NDST3: variants seen among roughly 807,000 people sequenced by gnomAD.
NDST3 encodes N-deacetylase and N-sulfotransferase 3.
In NDST3, 58 loss-of-function variants were observed where a neutral mutation model predicts 96.1. The observed-to-expected ratio is 0.60, with a 90% CI of 0.49 to 0.75. The LOEUF (loss-of-function observed/expected upper bound fraction) is 0.75, where lower values mean the gene tolerates loss of function less well. Among genes scored for constraint, NDST3 ranks in the 30% least tolerant of loss-of-function variants. NDST3 has a pLI of 0.00. For missense variants in NDST3, 788 were observed against 1,034.2 expected (o/e 0.76, Z 3.27); for synonymous variants, 333 against 359.7 (o/e 0.93, Z 0.84).
chr4:118,231,345 A>T (rs80123128), intron 8 of NDST3, among the ~76,000 whole-genome samples: 10 of 32,068 alleles, frequency 3.1e-4, no homozygotes, highest in Middle Eastern at 0.023. Flanking sequence ...AAAAAAAAAT[A>T]AATAAATAAT....
intron 6 of NDST3, among the ~76,000 whole-genome samples, chr4:118,161,361 T>A (rs1031333729): frequency 3.3e-5 from 5 of 152,200 alleles, no homozygotes; most frequent in African/African-American, 4.8e-5. Flanking sequence ...CATTCTCAGA[T>A]ATCCAGCTGT....
In NDST3 at chr4:118,054,853, G is replaced by T. The variant is rs1446794120; in HGVS notation, c.943G>T (p.Gly315Ter). The part of the protein sequence containing the change: ...ILVDIDDIFV[G>*]KEGTRMNTND... The stretch of plus-strand genomic sequence containing the variant: ...TGTGGATATTGATGATATATTTGTG[G>T]GAAAAGAGGGAACAAGAATGAACAC... Residue 315 changes from glycine (G) to a stop codon, truncating the protein, a stop_gained, in exon 2 of 14, where the codon GGA becomes TGA. Coordinates refer to ENST00000296499, the MANE Select transcript of NDST3 (RefSeq NM_004784.3). LOFTEE classifies it high-confidence loss of function. 1 of 1,612,142 alleles carries T rather than the reference G, an allele frequency of 6.2e-7. No individual in the cohort carries two copies. The highest frequency in any genetic ancestry group is 8.5e-7 in the Non-Finnish European group (1 of 1,179,116).
At chr4:118,225,929 C>G (rs565925735) in intron 7 of NDST3, among the ~76,000 whole-genome samples, 1 of 152,068 alleles carries the variant, frequency 6.6e-6, no homozygotes, top group South Asian at 2.1e-4. Flanking sequence ...AATTTTCCTG[C>G]TAATTCAACC....
intron 6 of NDST3, chr4:118,194,206 A>G (rs1737511688): frequency 2.7e-6 from 2 of 752,664 alleles, no homozygotes; most frequent in Non-Finnish European, 4.8e-6. Flanking sequence ...CCTGATGTTC[A>G]AAGAACTAGT....
At chr4:118,221,390 G>A (rs1324686430) in intron 6 of NDST3, among the ~76,000 whole-genome samples, 1 of 152,004 alleles carries the variant, frequency 6.6e-6, no homozygotes, top group Non-Finnish European at 1.5e-5. Context: ...GGTCATGAAA[G>A]GCATAGTTTA....
At position 118,217,345 on chromosome 4, in the gene NDST3, T is replaced by C. The variant is rs567657937; in HGVS notation, c.1540-7146T>C. The stretch of plus-strand genomic sequence containing the variant: ...CCTTAGGTTGACACACTGAACTTTA[T>C]TCAACTCAAAAGCTAATGAGGCACT... On this transcript the variant is annotated intron_variant, in intron 6 of 13. Transcript: ENST00000296499. Among the ~76,000 whole-genome samples, 22 of 152,216 alleles carry C rather than the reference T, an allele frequency of 1.4e-4. No individual in the cohort carries two copies. The South Asian group carries it at 4.1e-3, about 29-fold the overall frequency.
In NDST3 at chr4:118,204,815, T is replaced by A. The variant is rs1018286377; in HGVS notation, c.1540-19676T>A. On this transcript the variant is annotated intron_variant, in intron 6 of 13. Coordinates refer to ENST00000296499, the MANE Select transcript of NDST3 (RefSeq NM_004784.3). Reference sequence around the variant, plus strand: ...AATAAAGTGGTTATTAAATAATATTTAAAGATAAAAACAATGAATTTGATT... The same window carrying A: ...AATAAAGTGGTTATTAAATAATATTAAAAGATAAAAACAATGAATTTGATT... Among the ~76,000 whole-genome samples, 18 of 144,520 alleles carry A rather than the reference T, an allele frequency of 1.2e-4. 3 individuals are homozygous for A. The allele number at this position is 144,520 out of a possible 152,430, so 94.8% of individuals were successfully genotyped here.
At position 118,204,509 on chromosome 4, in the gene NDST3, T is replaced by C. The variant is rs1355657915; in HGVS notation, c.1540-19982T>C. 2.8e-5 allele frequency among the ~76,000 whole-genome samples: 4 copies of C among 144,160 alleles called. 1 individual carries two copies. Among genetic ancestry groups the C allele is most frequent in the African/African-American group, 1.0e-4 (4 of 38,974 alleles). The allele number at this position is 144,160 out of a possible 152,430, so 94.6% of individuals were successfully genotyped here. A position where few individuals can be genotyped will look rare whatever the true frequency, so the allele number is the denominator to read the frequency against. On this transcript the variant is annotated intron_variant, in intron 6 of 13. Coordinates refer to ENST00000296499, the MANE Select transcript of NDST3 (RefSeq NM_004784.3). ...AGCCAGATTGGTTACAGCTCAACAT[T>C]TGCCTTATTTGAACATGTTTTGAAC...
chr4:118,089,028 T>C (rs1455357555), intron 2 of NDST3, among the ~76,000 whole-genome samples: 2 of 152,002 alleles, frequency 1.3e-5, no homozygotes, highest in East Asian at 3.9e-4. Flanking sequence ...ATTTGTGATA[T>C]TGGAAACATT....
chr4:118,185,297 A>G (rs996073483), intron 6 of NDST3, among the ~76,000 whole-genome samples: 7 of 151,976 alleles, frequency 4.6e-5, no homozygotes, highest in Admixed American at 1.3e-4. Flanking sequence ...TTGTCTATGC[A>G]TTTAAATTAT....
intron 2 of NDST3, among the ~76,000 whole-genome samples, chr4:118,064,753 C>T (rs1726171527): frequency 6.6e-6 from 1 of 152,104 alleles, no homozygotes; most frequent in African/African-American, 2.4e-5. Flanking sequence ...CAACCCAAAT[C>T]TGTCATTTTG....
At position 118,251,129 on chromosome 4, in the gene NDST3, TA is replaced by T. The variant is rs1396829408; in HGVS notation, c.2400-2369del. ...ATTTATTTATTTATTATTTTTATTTTATTTTTTTTTTTTTTGAGACGGAGTC... is the reference window on the plus strand; with the variant it reads ...ATTTATTTATTTATTATTTTTATTTTTTTTTTTTTTTTTTGAGACGGAGTC... On this transcript the variant is annotated intron_variant, in intron 12 of 13. Coordinates refer to ENST00000296499, the MANE Select transcript of NDST3 (RefSeq NM_004784.3). Among the ~76,000 whole-genome samples, 107 of 110,394 alleles carry T rather than the reference TA, an allele frequency of 9.7e-4. 3 individuals are homozygous for T. The highest frequency in any genetic ancestry group is 1.1e-3 in the Non-Finnish European group (59 of 51,514). 72.4% of individuals were successfully genotyped at this position (110,394 alleles called of 152,430 possible). A position where few individuals can be genotyped will look rare whatever the true frequency, so the allele number is the denominator to read the frequency against.
chr4:118,169,100 AT>A (rs926608879), intron 6 of NDST3, among the ~76,000 whole-genome samples: 8 of 151,930 alleles, frequency 5.3e-5, no homozygotes, highest in African/African-American at 1.9e-4. Context: ...GGTAAATTTC[AT>A]GTTATATTGT....
At chr4:118,064,237 C>A (rs1223549853) in intron 2 of NDST3, among the ~76,000 whole-genome samples, 1 of 152,100 alleles carries the variant, frequency 6.6e-6, no homozygotes, top group African/African-American at 2.4e-5. Context: ...TTGTAAAGTG[C>A]TTTATGAAGG....
intron 2 of NDST3, among the ~76,000 whole-genome samples, chr4:118,101,077 A>G (rs1201488084): frequency 1.3e-5 from 2 of 152,270 alleles, no homozygotes; most frequent in South Asian, 4.1e-4. Flanking sequence ...ATATAATCTA[A>G]GAAGCATAAA....
chr4:118,139,485 C>A (rs2125900967), intron 5 of NDST3, among the ~76,000 whole-genome samples: 1 of 152,244 alleles, frequency 6.6e-6, no homozygotes, highest in East Asian at 1.9e-4. Context: ...GTTCAGCAGA[C>A]AGTTGATTAC....
chr4:118,098,019 G>T (rs1270477952), intron 2 of NDST3, among the ~76,000 whole-genome samples: 1 of 148,540 alleles, frequency 6.7e-6, no homozygotes, highest in Non-Finnish European at 1.5e-5. Context: ...TTTGGAAGGG[G>T]GTGGGTTGCT....
chr4:118,238,155 A>AAAAGAAAGAAAG (rs552263074), intron 10 of NDST3, among the ~76,000 whole-genome samples: 5 of 91,198 alleles, frequency 5.5e-5, no homozygotes, highest in East Asian at 3.0e-4. Flanking sequence ...GAAAAGAAAG[A>AAAAGAAAGAAAG]AAAGAAAGAA....
At chr4:118,250,333 G>C (rs778249734) in intron 12 of NDST3, among the ~76,000 whole-genome samples, 2 of 152,046 alleles carry the variant, frequency 1.3e-5, no homozygotes, top group Non-Finnish European at 2.9e-5. Flanking sequence ...TGCCAACATG[G>C]GATATTTTTA....
Sources: allele counts gnomAD v4.1 joint callset (sites outside exome capture counted in the v4.1 genomes callset), GRCh38; gene constraint gnomAD v4.1.1; transcripts MANE v1.5; gene names NCBI Gene and HGNC (gene_info 2026-07-23, HGNC 2026-07-21).